HOXC4: variants seen among roughly 807,000 people sequenced by gnomAD.
HOXC4 encodes homeobox protein Hox-C4.
In HOXC4, 15 loss-of-function variants were observed where a neutral mutation model predicts 25.5. That is an observed-to-expected ratio of 0.59 (90% CI 0.39 to 0.91). The LOEUF (loss-of-function observed/expected upper bound fraction) is 0.91. Ranked by LOEUF, HOXC4 falls within the 40% of genes least tolerant of loss-of-function variation. The pLI is 0.00. For synonymous variants in HOXC4, 165 were observed against 148.0 expected (o/e 1.11, Z -0.83); for missense variants, 342 against 352.4 (o/e 0.97, Z 0.24).
intron 1 of HOXC4, among the ~76,000 whole-genome samples, chr12:54,026,964 T>TGG (rs71068201): frequency 1.0e-3 from 128 of 127,326 alleles, no homozygotes; most frequent in African/African-American, 3.1e-3. Flanking sequence ...CCAAAAATGG[T>TGG]GGGGGGGGGG....
intron 1 of HOXC4, 100 bp downstream of exon 1, chr12:54,054,461 T>TC: frequency 1.7e-6 from 1 of 584,182 alleles, no homozygotes; most frequent in Admixed American, 3.4e-5. Flanking sequence ...TTTCTCTCCT[T>TC]CCCCCTCTCT....
intron 1 of HOXC4, among the ~76,000 whole-genome samples, chr12:54,041,972 CTTTTCTTTTT>C (rs1941281062): frequency 7.5e-6 from 1 of 133,598 alleles, no homozygotes; most frequent in African/African-American, 2.9e-5. Flanking sequence ...CTTTTCTTTT[CTTTTCTTTTT>C]TTTTTTTTTT....
intron 1 of HOXC4, among the ~76,000 whole-genome samples, chr12:54,025,510 C>T (rs2136428947): frequency 7.9e-6 from 1 of 126,636 alleles, no homozygotes; most frequent in African/African-American, 3.0e-5. Context: ...CTTCTTTCCT[C>T]AGGAATGAAA....
At position 54,054,602 on chromosome 12, in the gene HOXC4, A is replaced by G. The variant is rs1267392742; in HGVS notation, c.439+241A>G. Reference sequence around the variant, plus strand: ...AGCCATGTGCTACGATCTGTTATGTATGTGTGAAAACTATGCTCGCTTTCT... The same window carrying G: ...AGCCATGTGCTACGATCTGTTATGTGTGTGTGAAAACTATGCTCGCTTTCT... On this transcript the variant is annotated intron_variant, in intron 1 of 1. Coordinates refer to ENST00000430889, the MANE Select transcript of HOXC4 (RefSeq NM_153633.3). 2.0e-5 allele frequency among the ~76,000 whole-genome samples: 3 copies of G among 152,192 alleles called. 1 individual carries two copies. The highest frequency in any genetic ancestry group is 4.1e-4 in the South Asian group (2 of 4,828).
At chr12:54,046,356 A>C (rs2136460701) in intron 1 of HOXC4, among the ~76,000 whole-genome samples, 1 of 152,178 alleles carries the variant, frequency 6.6e-6, no homozygotes, top group Admixed American at 6.5e-5. Flanking sequence ...CAGAATCCTA[A>C]TAGCCAGGCA....
chr12:54,040,526 C>A (rs1034089257), intron 1 of HOXC4, among the ~76,000 whole-genome samples: 11 of 152,182 alleles, frequency 7.2e-5, no homozygotes, highest in Admixed American at 3.3e-4. Context: ...TCCTCAGTTG[C>A]TTACAAAGTT....
intron 1 of HOXC4, chr12:54,032,992 T>C (rs1941044186): frequency 2.8e-6 from 2 of 705,370 alleles, no homozygotes; most frequent in Non-Finnish European, 4.7e-6. Flanking sequence ...GAAGAGCGCA[T>C]AGGATAAAGA....
At chr12:54,026,500 T>C (rs1273570607) in intron 1 of HOXC4, among the ~76,000 whole-genome samples, 1 of 152,194 alleles carries the variant, frequency 6.6e-6, no homozygotes, top group East Asian at 1.9e-4. Flanking sequence ...CTCTACCCTT[T>C]CCCCTTCATT....
chr12:54,033,673 T>C (rs1428742264), intron 1 of HOXC4: 1 of 1,099,214 alleles, frequency 9.1e-7, no homozygotes. Flanking sequence ...CCATAAATTT[T>C]ACGATCCAGG....
intron 1 of HOXC4, chr12:54,021,771 G>GC (rs1940455698): frequency 6.6e-6 from 1 of 152,356 alleles, no homozygotes; most frequent in Admixed American, 6.5e-5. Context: ...CTCTGCCACG[G>GC]CGCCGCAGCC....
Position 54,054,268 on chromosome 12 carries a change from G to T in HOXC4, c.346G>T (p.Ala116Ser). The T allele has an allele frequency of 6.4e-7, 1 of 1,570,330 alleles. No individual in the cohort carries two copies. The highest frequency in any genetic ancestry group is 2.4e-5 in the East Asian group (1 of 42,424). ...ASASPSPAPP[A>S]CSQPAPDHPS... ...CGCCTCCCCGTCCCCAGCCCCGCCAGCCTGCAGCCAGCCAGCCCCCGACCA... is the reference window on the plus strand; with the variant it reads ...CGCCTCCCCGTCCCCAGCCCCGCCATCCTGCAGCCAGCCAGCCCCCGACCA... Residue 116 changes from alanine (A) to serine (S), a missense_variant, in exon 1 of 2, where the codon GCC becomes TCC. By Grantham distance (99) the Ala-to-Ser change is moderately conservative. Coordinates refer to ENST00000430889, the MANE Select transcript of HOXC4 (RefSeq NM_153633.3).
intron 1 of HOXC4, among the ~76,000 whole-genome samples, chr12:54,024,690 C>T (rs1940611569): frequency 6.6e-6 from 1 of 152,002 alleles, no homozygotes; most frequent in Non-Finnish European, 1.5e-5. Context: ...CAGTTCAGAG[C>T]TCACATGCCC....
chr12:54,055,633 TC>T lies in HOXC4; in HGVS notation c.*430del, dbSNP rs1480880539. ...CCAATTCTCATCCTTCTCCTCCTCC[TC>T]CTTCCCCCCCTCTTTCCTTAGGCCT... is the stretch of plus-strand genomic sequence containing the variant. On this transcript the variant is annotated 3_prime_UTR_variant, in exon 2 of 2. Coordinates refer to ENST00000430889, the MANE Select transcript of HOXC4 (RefSeq NM_153633.3). 1 of 91,712 alleles carries T rather than the reference TC, an allele frequency of 1.1e-5. No homozygotes were observed. Among genetic ancestry groups the T allele is most frequent in the Admixed American group, 1.1e-4 (1 of 9,046 alleles). 5.7% of individuals were successfully genotyped at this position (91,712 alleles called of 1,614,324 possible).
At position 54,055,163 on chromosome 12, in the gene HOXC4, GC is replaced by G. The variant is rs1440045204; in HGVS notation, c.755del (p.Pro252ArgfsTer16). On this transcript the variant is annotated frameshift_variant, in exon 2 of 2. Transcript: ENST00000430889. LOFTEE classifies it high-confidence loss of function. ...TSEDHSQSAT[P>X]PEQQRAEDIT... ...CTGAAGACCACTCCCAGAGCGCCAC[GC>G]CGCCGGAGCAGCAACGGGCAGAGGA... is the stretch of plus-strand genomic sequence containing the variant. 6.2e-7 allele frequency: 1 copy of G among 1,611,414 alleles called. No individual in the cohort carries two copies. The highest frequency in any genetic ancestry group is 8.5e-7 in the Non-Finnish European group (1 of 1,178,790).
upstream of HOXC4, among the ~76,000 whole-genome samples, chr12:54,050,615 T>C (rs1482006773): frequency 2.0e-5 from 3 of 152,068 alleles, no homozygotes; most frequent in African/African-American, 7.2e-5. Context: ...ATTTCTGTGC[T>C]TGTAATAATA....
At chr12:54,051,223 A>G (rs1234949336), upstream of HOXC4, among the ~76,000 whole-genome samples, 1 of 152,020 alleles carries the variant, frequency 6.6e-6, no homozygotes, top group East Asian at 1.9e-4. Flanking sequence ...CAGGCCTAGA[A>G]GGGAGACTGG....
upstream of HOXC4, among the ~76,000 whole-genome samples, chr12:54,052,351 A>G (rs1156979831): frequency 6.6e-6 from 1 of 152,258 alleles, no homozygotes; most frequent in Non-Finnish European, 1.5e-5. Context: ...AGTCTAATAA[A>G]TAAAACATAA....
chr12:54,028,941 G>A, intron 1 of HOXC4: 2 of 1,585,840 alleles, frequency 1.3e-6, no homozygotes, highest in Non-Finnish European at 1.7e-6. Flanking sequence ...ACAGCTCCGA[G>A]ATATAAATTA....
At chr12:54,045,633 G>T (rs1174116092) in intron 1 of HOXC4, among the ~76,000 whole-genome samples, 1 of 152,134 alleles carries the variant, frequency 6.6e-6, no homozygotes, top group Non-Finnish European at 1.5e-5. Flanking sequence ...CATAATGCAT[G>T]CATCTGTGTA....
Sources: allele counts gnomAD v4.1 joint callset (sites outside exome capture counted in the v4.1 genomes callset), GRCh38; gene constraint gnomAD v4.1.1; transcripts MANE v1.5; gene names NCBI Gene and HGNC (gene_info 2026-07-23, HGNC 2026-07-21).